Variants in EXT1 observed in about 807,000 individuals in gnomAD.
EXT1 encodes the protein exostosin-1.
Under a neutral mutation model 82.5 loss-of-function variants are expected in EXT1, and 20 were observed. That is an observed-to-expected ratio of 0.24 (90% CI 0.17 to 0.35). The LOEUF (loss-of-function observed/expected upper bound fraction) is 0.35, where lower values mean the gene tolerates loss of function less well. Ranked by LOEUF, EXT1 falls within the 10% of genes least tolerant of loss-of-function variation. EXT1 has a pLI of 1.00. For missense variants in EXT1, 757 were observed against 936.5 expected (o/e 0.81, Z 2.50); for synonymous variants, 348 against 350.8 (o/e 0.99, Z 0.09).
intron 1 of EXT1, among the ~76,000 whole-genome samples, chr8:117,902,227 CCTGT>C (rs1813463263): frequency 6.6e-6 from 1 of 151,646 alleles, no homozygotes; most frequent in Non-Finnish European, 1.5e-5. Context: ...TCCTGAAGGA[CCTGT>C]CTGAGGCTGT....
chr8:117,814,560 T>C (rs1293905237), intron 7 of EXT1, among the ~76,000 whole-genome samples: 2 of 152,122 alleles, frequency 1.3e-5, no homozygotes, highest in African/African-American at 4.8e-5. Context: ...TTCCCCCAGA[T>C]GGTGTGACTC....
intron 1 of EXT1, among the ~76,000 whole-genome samples, chr8:117,913,487 A>G (rs890099882): frequency 1.3e-5 from 2 of 152,122 alleles, no homozygotes; most frequent in African/African-American, 4.8e-5. Flanking sequence ...CTTCTTTCCT[A>G]TTGTCATTAG....
intron 1 of EXT1, among the ~76,000 whole-genome samples, chr8:117,869,885 T>C (rs1206513875): frequency 6.6e-6 from 1 of 152,170 alleles, no homozygotes; most frequent in East Asian, 1.9e-4. Context: ...TTAATAAATG[T>C]AGTTCCAAAA....
chr8:118,019,016 A>C (rs1349439296), intron 1 of EXT1, among the ~76,000 whole-genome samples: 1 of 152,066 alleles, frequency 6.6e-6, no homozygotes, highest in African/African-American at 2.4e-5. Context: ...TAAAAAAGCA[A>C]CTACTGCACC....
At chr8:118,072,421 A>G (rs1817111987) in intron 1 of EXT1, among the ~76,000 whole-genome samples, 1 of 152,186 alleles carries the variant, frequency 6.6e-6, no homozygotes, top group South Asian at 2.1e-4. Flanking sequence ...ATAATTTAGC[A>G]TTTAATTATA....
rs148473091 is a variant in EXT1, at chr8:118,110,306, C to T, written c.741G>A (p.Glu247=). Residue 247 remains glutamate, a synonymous_variant, in exon 1 of 11, where the codon GAG becomes GAA. Coordinates refer to ENST00000378204, the MANE Select transcript of EXT1 (RefSeq NM_000127.3). ...FSKDHPRTGG[E]RGFLKFNTIP... ...TGGTGTTGAACTTCAAAAACCCCCT[C>T]TCCCCTCCTGTCCTGGGATGATCCT... 1.0e-4 allele frequency: 165 copies of T among 1,614,164 alleles called. No individual in the cohort carries two copies. In the African/African-American group the frequency reaches 1.9e-3, roughly 19 times the overall value.
chr8:117,978,946 G>A (rs1815125639), intron 1 of EXT1, among the ~76,000 whole-genome samples: 1 of 152,164 alleles, frequency 6.6e-6, no homozygotes, highest in Non-Finnish European at 1.5e-5. Flanking sequence ...GCCAGAGCTG[G>A]AAACCAGCAG....
intron 1 of EXT1, among the ~76,000 whole-genome samples, chr8:117,856,162 A>T (rs1812552568): frequency 6.6e-6 from 1 of 152,146 alleles, no homozygotes; most frequent in Admixed American, 6.5e-5. Flanking sequence ...AAACAGCTTT[A>T]TTGCTGATTT....
At position 117,874,396 on chromosome 8, in the gene EXT1, C is replaced by T. The variant is rs373615355; in HGVS notation, c.963-37195G>A. 3.0e-4 allele frequency among the ~76,000 whole-genome samples: 45 copies of T among 151,670 alleles called. No individual in the cohort carries two copies. In the South Asian group the frequency reaches 9.0e-3, roughly 30 times the overall value. On this transcript the variant is annotated intron_variant, in intron 1 of 10. Coordinates refer to ENST00000378204, the MANE Select transcript of EXT1 (RefSeq NM_000127.3). ...TTCAAGACCAGCCTGGCCAACATGG[C>T]GAAACCTAGTCTCTACTAAAAATAC...
intron 1 of EXT1, among the ~76,000 whole-genome samples, chr8:117,863,257 TG>T (rs1168047323): frequency 6.8e-6 from 1 of 146,376 alleles, no homozygotes; most frequent in East Asian, 1.9e-4. Flanking sequence ...TGAAGTGACT[TG>T]CCCCCAGACA....
Position 117,798,785 on chromosome 8 carries a change from C to G in EXT1, c.*927G>C, listed in dbSNP as rs1823120615. ...TCATCTTGTAAATAATCTGTTCTCC[C>G]CAATATACTCATTATTCCTTGGCTT... is the stretch of plus-strand genomic sequence containing the variant. On this transcript the variant is annotated 3_prime_UTR_variant, in exon 11 of 11. Transcript: ENST00000378204. 1 of 152,096 alleles carries G rather than the reference C, an allele frequency of 6.6e-6. No individual in the cohort carries two copies. Among genetic ancestry groups the G allele is most frequent in the Admixed American group, 6.6e-5 (1 of 15,262 alleles). 9.4% of individuals were successfully genotyped at this position (152,096 alleles called of 1,614,324 possible).
intron 1 of EXT1, among the ~76,000 whole-genome samples, chr8:117,966,998 C>G (rs1038561898): frequency 1.3e-5 from 2 of 152,156 alleles, no homozygotes; most frequent in Admixed American, 1.3e-4. Context: ...GCCCTAAGTA[C>G]GTTTTAAACA....
chr8:117,935,493 C>A (rs1265552454), intron 1 of EXT1, among the ~76,000 whole-genome samples: 2 of 151,808 alleles, frequency 1.3e-5, no homozygotes, highest in Non-Finnish European at 2.9e-5. Context: ...CAGGTATGCA[C>A]CAACATGCCA....
intron 1 of EXT1, among the ~76,000 whole-genome samples, chr8:117,903,488 C>A (rs1406978729): frequency 6.6e-6 from 1 of 152,170 alleles, no homozygotes; most frequent in African/African-American, 2.4e-5. Flanking sequence ...CCCAAAGTGG[C>A]AGATCACCCC....
chr8:118,058,814 C>T (rs1380716725), intron 1 of EXT1, among the ~76,000 whole-genome samples: 8 of 152,034 alleles, frequency 5.3e-5, no homozygotes, highest in Admixed American at 1.3e-4. Flanking sequence ...AACTGATTAA[C>T]GAATGAATGG....
Position 118,074,574 on chromosome 8 carries a change from G to GAGA in EXT1, c.962+35510_962+35511insTCT, listed in dbSNP as rs1554598882. Among the ~76,000 whole-genome samples the GAGA allele has an allele frequency of 6.7e-4, 89 of 132,272 alleles. No individual in the cohort carries two copies. The Middle Eastern group carries it at 0.012, about 18-fold the overall frequency. The allele number at this position is 132,272 out of a possible 152,430, so 86.8% of individuals were successfully genotyped here. A position where few individuals can be genotyped will look rare whatever the true frequency, so the allele number is the denominator to read the frequency against. Reference sequence around the variant, plus strand: ...GGGGCTACGAGAGAGAGAGAAGAGAGAAAAAAAAAAAAAGTCCCCACCAGA... The same window carrying GAGA: ...GGGGCTACGAGAGAGAGAGAAGAGAGAGAAAAAAAAAAAAAAGTCCCCACCAGA... On this transcript the variant is annotated intron_variant, in intron 1 of 10. Coordinates refer to ENST00000378204, the MANE Select transcript of EXT1 (RefSeq NM_000127.3).
chr8:117,903,976 G>A (rs773244560), intron 1 of EXT1, among the ~76,000 whole-genome samples: 9 of 152,190 alleles, frequency 5.9e-5, no homozygotes, highest in Admixed American at 1.3e-4. Flanking sequence ...AGGAACACGC[G>A]TTACTCAAGA....
intron 1 of EXT1, among the ~76,000 whole-genome samples, chr8:117,923,650 C>T (rs1468012362): frequency 4.0e-5 from 6 of 148,570 alleles, no homozygotes; most frequent in African/African-American, 1.3e-4. Flanking sequence ...GGTGTGAACC[C>T]GGGAGGTGGA....
intron 1 of EXT1, among the ~76,000 whole-genome samples, chr8:117,898,943 C>T (rs1203986032): frequency 6.6e-6 from 1 of 152,138 alleles, no homozygotes; most frequent in East Asian, 1.9e-4. Flanking sequence ...ATTCAAAACA[C>T]TGACCCCCAA....
Sources: allele counts gnomAD v4.1 joint callset (sites outside exome capture counted in the v4.1 genomes callset), GRCh38; gene constraint gnomAD v4.1.1; transcripts MANE v1.5; gene names NCBI Gene and HGNC (gene_info 2026-07-23, HGNC 2026-07-21).